The following LMO1 variants were observed in gnomAD, a reference collection of about 807,000 sequenced individuals.
LMO1 encodes the protein LIM domain only 1, also known as rhombotin-1.
Under a neutral mutation model 18.0 loss-of-function variants are expected in LMO1, and 10 were observed. That is an observed-to-expected ratio of 0.55 (90% CI 0.34 to 0.94). The LOEUF (loss-of-function observed/expected upper bound fraction) is 0.94, where lower values mean the gene tolerates loss of function less well. Among genes scored for constraint, LMO1 ranks in the 40% least tolerant of loss-of-function variants. The pLI is 0.02. For synonymous variants in LMO1, 77 were observed against 77.9 expected (o/e 0.99, Z 0.06); for missense variants, 183 against 205.7 (o/e 0.89, Z 0.68).
At chr11:8,263,044 C>T (rs2134591631) in intron 1 of LMO1, among the ~76,000 whole-genome samples, 1 of 152,130 alleles carries the variant, frequency 6.6e-6, no homozygotes, top group African/African-American at 2.4e-5. Context: ...CTCCGCGCGG[C>T]CCCGCGGCGC....
upstream of LMO1, chr11:8,268,403 CGGCACCG>C (rs1332661128): frequency 6.8e-7 from 1 of 1,466,678 alleles, no homozygotes; most frequent in African/African-American, 1.5e-5. Context: ...CCCCGGGCAC[CGGCACCG>C]GGCGCCGGGC....
intron 1 of LMO1, among the ~76,000 whole-genome samples, chr11:8,240,476 A>G (rs567461562): frequency 1.5e-3 from 222 of 152,308 alleles, no homozygotes; most frequent in Non-Finnish European, 2.7e-3. Flanking sequence ...TCAGGCTGCC[A>G]TAACAGAATA....
chr11:8,250,426 A>G (rs1306748880), intron 1 of LMO1, among the ~76,000 whole-genome samples: 1 of 152,214 alleles, frequency 6.6e-6, no homozygotes, highest in Non-Finnish European at 1.5e-5. Flanking sequence ...GCTCATGTAG[A>G]AGGCATATTT....
At chr11:8,255,870 G>T (rs571138295) in intron 1 of LMO1, among the ~76,000 whole-genome samples, 47 of 119,530 alleles carry the variant, frequency 3.9e-4, no homozygotes, top group African/African-American at 1.4e-3. Flanking sequence ...CTGTCGCCCA[G>T]GCTGGAGTGC....
At chr11:8,268,549 C>A (rs1847284752), upstream of LMO1, 3 of 1,068,498 alleles carry the variant, frequency 2.8e-6, no homozygotes, top group Non-Finnish European at 3.6e-6. Flanking sequence ...CGGCCCCGCG[C>A]GGGCGCCGAG....
At chr11:8,243,703 T>G (rs2134554653) in intron 1 of LMO1, among the ~76,000 whole-genome samples, 1 of 152,228 alleles carries the variant, frequency 6.6e-6, no homozygotes, top group African/African-American at 2.4e-5. Context: ...TGCACCCAGG[T>G]GAGGTGGACA....
chr11:8,249,299 G>C (rs946217081), intron 1 of LMO1, among the ~76,000 whole-genome samples: 1 of 152,226 alleles, frequency 6.6e-6, no homozygotes, highest in Non-Finnish European at 1.5e-5. Context: ...GGGGCCGTCT[G>C]AAGCCAGAGG....
In LMO1 at chr11:8,230,367, C is replaced by T. The variant is rs751639341; in HGVS notation, c.163G>A (p.Asp55Asn). The T allele has an allele frequency of 1.2e-6, 2 of 1,614,160 alleles. No homozygotes were observed. The highest frequency in any genetic ancestry group is 1.7e-6 in the Non-Finnish European group (2 of 1,180,002). The change falls in exon 2 of 4, where the codon GAC becomes AAC. Residue 55 changes from aspartate (D) to asparagine (N), a missense_variant. By Grantham distance (23) the Asp-to-Asn change is conservative. Transcript: ENST00000335790. ...HEDCLKCACCDCRLGEVGSTL... is the reference protein window; with the variant it reads ...HEDCLKCACCNCRLGEVGSTL... ...GAGCCCACCTCGCCCAGGCGGCAGT[C>T]ACAGCAGGCACACTTGAGGCAGTCT...
intron 1 of LMO1, among the ~76,000 whole-genome samples, chr11:8,258,898 G>A (rs185062800): frequency 3.1e-4 from 47 of 152,312 alleles, no homozygotes; most frequent in Admixed American, 2.3e-3. Context: ...GCTTTTAGGC[G>A]AGCAGCGGCC....
rs770494798 is a variant in LMO1 at position 8,227,050 on chromosome 11, G to A, written c.290C>T (p.Ala97Val). ...CCGGGCCCGCATCACCATCTCGAAG[G>A]CTGGGATCAGCTTGCTGCAAGCAGC... ...NCAACSKLIP[A>V]FEMVMRARDN... Residue 97 changes from alanine to valine, a missense_variant, in exon 3 of 4, where the codon GCC becomes GTC. By Grantham distance (64) the Ala-to-Val change is moderately conservative. Coordinates refer to ENST00000335790, the MANE Select transcript of LMO1 (RefSeq NM_002315.3). 3.1e-6 allele frequency: 5 copies of A among 1,613,986 alleles called. No individual in the cohort carries two copies. Among genetic ancestry groups the A allele is most frequent in the Non-Finnish European group, 4.2e-6 (5 of 1,179,898 alleles).
intron 2 of LMO1, among the ~76,000 whole-genome samples, chr11:8,230,041 G>T (rs948314800): frequency 6.6e-6 from 1 of 152,182 alleles, no homozygotes; most frequent in Non-Finnish European, 1.5e-5. Context: ...CTTAACTTAG[G>T]GGCCCCAGGT....
At chr11:8,262,990 C>A (rs1847212961) in intron 1 of LMO1, among the ~76,000 whole-genome samples, 1 of 152,192 alleles carries the variant, frequency 6.6e-6, no homozygotes, top group Non-Finnish European at 1.5e-5. Context: ...ACGAAATGCT[C>A]AGAGCGAACC....
intron 1 of LMO1, among the ~76,000 whole-genome samples, chr11:8,244,201 A>G (rs1244855482): frequency 1.3e-5 from 2 of 152,256 alleles, no homozygotes; most frequent in South Asian, 2.1e-4. Flanking sequence ...CAGATCACAT[A>G]TAGGAGAGGA....
At chr11:8,256,085 A>T (rs1220981250) in intron 1 of LMO1, among the ~76,000 whole-genome samples, 2 of 152,194 alleles carry the variant, frequency 1.3e-5, no homozygotes, top group East Asian at 3.9e-4. Context: ...TCGGCCTCCC[A>T]AAGTGCTGGG....
rs185772290 is a variant in LMO1 at position 8,243,395 on chromosome 11, C to A, written c.26-12891G>T. 4.7e-4 allele frequency among the ~76,000 whole-genome samples: 72 copies of A among 152,286 alleles called. No individual in the cohort carries two copies. The South Asian group carries it at 0.013, about 29-fold the overall frequency. ...CTGTATCCTAAACCAGCCATGGGCT[C>A]CCAGGCAGAAGATCCTTGTTCAGAA... is the stretch of plus-strand genomic sequence containing the variant. On this transcript the variant is annotated intron_variant, in intron 1 of 3. Transcript: ENST00000335790.
chr11:8,266,614 G>A (rs1847263989), upstream of LMO1, among the ~76,000 whole-genome samples: 1 of 152,238 alleles, frequency 6.6e-6, no homozygotes, highest in Non-Finnish European at 1.5e-5. Flanking sequence ...GAAAGTGGGT[G>A]CTACTGGCTG....
rs183817968 is a variant in LMO1, at chr11:8,263,293, G to A, written c.25+45C>T. 8.8e-4 allele frequency: 1,387 copies of A among 1,577,660 alleles called. 12 individuals carry two copies. In the African/African-American group the frequency reaches 0.015, roughly 17 times the overall value. On this transcript the variant is annotated intron_variant, in intron 1 of 3. Coordinates refer to ENST00000335790, the MANE Select transcript of LMO1 (RefSeq NM_002315.3). The stretch of plus-strand genomic sequence containing the variant: ...TGTGTGTGCCTGCGCGCCGCGGCAG[G>A]GGGCGAGGGGGTGAGGGGCGTCGAG...
intron 1 of LMO1, among the ~76,000 whole-genome samples, chr11:8,234,553 ACCCCAGTGAG>A: frequency 6.6e-6 from 1 of 152,076 alleles, no homozygotes; most frequent in East Asian, 1.9e-4. Flanking sequence ...GGGGATGCTT[ACCCCAGTGAG>A]CTCCTCCAAG....
chr11:8,225,897 G>T (rs956476165), intron 3 of LMO1, among the ~76,000 whole-genome samples: 1 of 152,224 alleles, frequency 6.6e-6, no homozygotes, highest in African/African-American at 2.4e-5. Flanking sequence ...GGGGGCTCCT[G>T]AGAAGAGCGC....
Sources: gnomAD v4.1 joint callset for allele counts (sites outside exome capture counted in the v4.1 genomes callset) on GRCh38, gnomAD v4.1.1 for gene constraint, MANE v1.5 for transcripts, NCBI Gene and HGNC (gene_info 2026-07-23, HGNC 2026-07-21) for gene names.